Variants in SYBU observed in about 807,000 individuals in gnomAD.
SYBU encodes the protein syntabulin, also known as GOLSYN A protein.
A neutral mutation model predicts 35.9 loss-of-function variants in SYBU; 21 were observed. The observed-to-expected ratio is 0.58, with a 90% confidence interval of 0.41 to 0.84. The LOEUF (loss-of-function observed/expected upper bound fraction) is 0.84. SYBU is among the 40% of genes least tolerant of loss of function. SYBU has a pLI of 0.00. For missense variants in SYBU, 768 were observed against 848.2 expected, an observed-to-expected ratio of 0.91 and a Z score of 1.17; for synonymous variants, 319 against 324.3, an observed-to-expected ratio of 0.98 and a Z score of 0.18.
intron 2 of SYBU, among the ~76,000 whole-genome samples, chr8:109,631,608 C>A (rs1320031630): frequency 6.6e-6 from 1 of 152,006 alleles, no homozygotes; most frequent in Non-Finnish European, 1.5e-5. Context: ...ACTAGCAGCC[C>A]CTGAAGCAGG....
At chr8:109,616,662 T>C (rs1384596369) in intron 3 of SYBU, among the ~76,000 whole-genome samples, 1 of 152,020 alleles carries the variant, frequency 6.6e-6, no homozygotes, top group African/African-American at 2.4e-5. Flanking sequence ...ACAGGTTATG[T>C]TAAAACCCTA....
chr8:109,691,448 G>T lies in SYBU; in HGVS notation c.-173C>A, dbSNP rs1817643716. The T allele has an allele frequency of 1.6e-6, 1 of 643,900 alleles. No homozygotes were observed. Among genetic ancestry groups the T allele is most frequent in the African/African-American group, 1.9e-5 (1 of 52,212 alleles). 39.9% of individuals were successfully genotyped at this position (643,900 alleles called of 1,614,324 possible). ...GGTGCGGACGGGACCCCGCGTCGCT[G>T]CTGGTTTGCGCTCAGGCCCGGGGAG... On this transcript the variant is annotated 5_prime_UTR_variant, in exon 1 of 8. Coordinates refer to the SYBU transcript ENST00000422135. The surrounding 1 kb of genome is among the most constrained non-coding windows in gnomAD (Gnocchi z 4.7).
At chr8:109,648,154 T>A (rs995827684), upstream of SYBU, 6 of 151,222 alleles carry the variant, frequency 4.0e-5, no homozygotes, top group African/African-American at 1.5e-4. Flanking sequence ...TTATCACCTT[T>A]TGGCTTCTTT....
chr8:109,642,909 A>T lies in SYBU; in HGVS notation c.48T>A (p.His16Gln), dbSNP rs771327653. 2 of 1,581,160 alleles carry T rather than the reference A, an allele frequency of 1.3e-6. No homozygotes were observed. Among genetic ancestry groups the T allele is most frequent in the African/African-American group, 1.4e-5 (1 of 73,824 alleles). The change falls in exon 2 of 7, where the codon CAT (histidine) becomes CAA (glutamine). Residue 16 changes from histidine to glutamine, a missense_variant. Transcript: ENST00000276646. ...TTCGGCTTCGAGAAATCTCCTTGTC[A>T]TGATGCTGCACTCTGTGCTCCTTCT... Reference protein sequence around the residue: ...ESKKEHRVQHHDKEISRSRIP... With the variant: ...ESKKEHRVQHQDKEISRSRIP...
At chr8:109,632,379 TA>T (rs1813729068) in intron 2 of SYBU, among the ~76,000 whole-genome samples, 1 of 152,198 alleles carries the variant, frequency 6.6e-6, no homozygotes, top group South Asian at 2.1e-4. Flanking sequence ...AAACTTATAA[TA>T]AAATAACTAC....
rs1823576465 is a variant in SYBU, at chr8:109,586,047, A to C, written c.530+13T>G. 1 of 1,596,108 alleles carries C rather than the reference A, an allele frequency of 6.3e-7. No homozygotes were observed. Among genetic ancestry groups the C allele is most frequent in the African/African-American group, 1.3e-5 (1 of 74,724 alleles). ...TAAAGCGTCTTAATTACAGAGCAGG[A>C]GATGGTGCCTACTTGCGTGAAGAAG... On this transcript the variant is annotated intron_variant, in intron 4 of 6. Transcript: ENST00000276646.
At chr8:109,651,151 C>T (rs1043764529) in intron 1 of SYBU, among the ~76,000 whole-genome samples, 22 of 152,150 alleles carry the variant, frequency 1.4e-4, no homozygotes, top group Admixed American at 1.4e-3. Flanking sequence ...AGGATGGCTT[C>T]CTAGATATCT....
chr8:109,655,171 C>A (rs1199882251), intron 1 of SYBU, among the ~76,000 whole-genome samples: 1 of 152,220 alleles, frequency 6.6e-6, no homozygotes, highest in Non-Finnish European at 1.5e-5. Flanking sequence ...GTTCCCTCTA[C>A]CTTGAACACA....
At chr8:109,638,293 C>T (rs1431051349) in intron 2 of SYBU, among the ~76,000 whole-genome samples, 1 of 152,204 alleles carries the variant, frequency 6.6e-6, no homozygotes, top group Admixed American at 6.5e-5. Context: ...GCCTGACACA[C>T]TCACCTAGGT....
intron 1 of SYBU, among the ~76,000 whole-genome samples, chr8:109,662,798 G>A (rs139262239): frequency 1.3e-5 from 2 of 152,156 alleles, no homozygotes; most frequent in Admixed American, 6.5e-5. Context: ...CCAGAGTATA[G>A]GTTCCACAAA....
In SYBU at chr8:109,672,212, T is replaced by C. The variant is rs186104832; in HGVS notation, c.-129+8499A>G. 3.0e-3 allele frequency among the ~76,000 whole-genome samples: 463 copies of C among 152,200 alleles called. 1 individual carries two copies. Among genetic ancestry groups the C allele is most frequent in the Middle Eastern group, 6.8e-3 (2 of 292 alleles). On this transcript the variant is annotated intron_variant, in intron 1 of 5. Coordinates refer to the SYBU transcript ENST00000408889. ...CACCAAGCCCAGCCAAAATACATTA[T>C]GTAATTTAAAAGCTGGGGGTGGCTG... is the stretch of plus-strand genomic sequence containing the variant.
chr8:109,608,066 C>T, intron 3 of SYBU: 1 of 950,892 alleles, frequency 1.1e-6, no homozygotes, highest in Non-Finnish European at 1.5e-6. Context: ...GGAGACTGAG[C>T]CTTCTGCATG....
At chr8:109,644,591 C>T (rs1157127190) in intron 1 of SYBU, 45 bp downstream of exon 1, 2 of 1,538,372 alleles carry the variant, frequency 1.3e-6, no homozygotes, top group Non-Finnish European at 1.7e-6. Context: ...CCGCAGTGCC[C>T]GCCTTCCCCG....
chr8:109,610,278 G>C (rs1007596477), intron 3 of SYBU, among the ~76,000 whole-genome samples: 1 of 152,170 alleles, frequency 6.6e-6, no homozygotes, highest in African/African-American at 2.4e-5. Flanking sequence ...TAGGCATCTT[G>C]TTTTTTCACT....
chr8:109,687,577 T>C (rs981615649), intron 1 of SYBU, among the ~76,000 whole-genome samples: 1 of 152,160 alleles, frequency 6.6e-6, no homozygotes, highest in African/African-American at 2.4e-5. Context: ...AATGAAATAT[T>C]GGGCAATATT....
At chr8:109,583,066 C>T (rs1289408544) in intron 4 of SYBU, among the ~76,000 whole-genome samples, 2 of 152,084 alleles carry the variant, frequency 1.3e-5, no homozygotes, top group Admixed American at 1.3e-4. Flanking sequence ...TAATCACTAC[C>T]ACCATGATTA....
intron 3 of SYBU, among the ~76,000 whole-genome samples, chr8:109,602,858 C>T (rs370363195): frequency 1.3e-5 from 2 of 152,066 alleles, no homozygotes; most frequent in Admixed American, 1.3e-4. Flanking sequence ...GGCTTAGTGG[C>T]GTTGGGGTTG....
At chr8:109,647,222 C>G (rs924304721), upstream of SYBU, 1 of 152,178 alleles carries the variant, frequency 6.6e-6, no homozygotes, top group Non-Finnish European at 1.5e-5. Context: ...TCCCTCCCCT[C>G]CCTAACCTGT....
intron 1 of SYBU, among the ~76,000 whole-genome samples, chr8:109,686,354 AT>A (rs1229463032): frequency 6.6e-6 from 1 of 152,246 alleles, no homozygotes; most frequent in Non-Finnish European, 1.5e-5. Context: ...AAGAATGTTC[AT>A]ATAGATAATA....
Sources: gnomAD v4.1 joint callset for allele counts (sites outside exome capture counted in the v4.1 genomes callset) on GRCh38, gnomAD v4.1.1 for gene constraint, Gnocchi (gnomAD v3.1) non-coding constraint, MANE v1.5 for transcripts, NCBI Gene and HGNC (gene_info 2026-07-23, HGNC 2026-07-21) for gene names.